The following OPN3 variants were observed in gnomAD, a reference collection of about 807,000 sequenced individuals.
The protein encoded by OPN3 is opsin 3, also known as opsin-3.
In OPN3, 29 loss-of-function variants were observed where a neutral mutation model predicts 33.8. That is an observed-to-expected ratio of 0.86 (90% CI 0.64 to 1.17). The LOEUF (loss-of-function observed/expected upper bound fraction) is 1.17. OPN3 is among the 50% of genes most tolerant of loss of function. The pLI, the probability that OPN3 is intolerant of heterozygous loss-of-function variation, is 0.00. For synonymous variants in OPN3, 216 were observed against 216.1 expected, an observed-to-expected ratio of 1.00 and a Z score of 0.00; for missense variants, 437 against 514.1, an observed-to-expected ratio of 0.85 and a Z score of 1.45.
chr1:241,637,442 C>T (rs929331410), intron 1 of OPN3, among the ~76,000 whole-genome samples: 5 of 152,124 alleles, frequency 3.3e-5, no homozygotes, highest in African/African-American at 1.2e-4. Context: ...GTTGCCTGGC[C>T]CACTCAAGTA....
In OPN3 at chr1:241,635,172, C is replaced by G. The variant is rs889621324; in HGVS notation, c.373+4710G>C. ...TCTTCTACTGTAGATTTGCTTTCAT[C>G]TTTATCTCCATCTTTATCTGAAACT... On this transcript the variant is annotated intron_variant, in intron 1 of 3. Transcript: ENST00000366554. The G allele has an allele frequency of 3.7e-6, 6 of 1,612,882 alleles. No individual in the cohort carries two copies. The African/African-American group carries it at 8.0e-5, about 22-fold the overall frequency.
chr1:241,638,011 T>C (rs1664965269), intron 1 of OPN3, among the ~76,000 whole-genome samples: 1 of 152,148 alleles, frequency 6.6e-6, no homozygotes, highest in Admixed American at 6.5e-5. Context: ...AAGCACAAAC[T>C]CCGGAATTTA....
At chr1:241,603,281 T>G (rs1319912409) in intron 2 of OPN3, among the ~76,000 whole-genome samples, 3 of 152,136 alleles carry the variant, frequency 2.0e-5, no homozygotes, top group Non-Finnish European at 4.4e-5. Context: ...TGATAATGGC[T>G]TTGTTTGGTC....
rs373927637 is a variant in OPN3, at chr1:241,606,744, G to A, written c.374-2165C>T. On this transcript the variant is annotated intron_variant, in intron 1 of 3. Coordinates refer to ENST00000366554, the MANE Select transcript of OPN3 (RefSeq NM_014322.3). ...ATAAATATTTGTTGAATGAGTGGAC[G>A]CAGAGAGACTGAAAGAAAAGCAGTT... Among the ~76,000 whole-genome samples the A allele has an allele frequency of 3.8e-4, 58 of 152,152 alleles. No individual in the cohort carries two copies. In the South Asian group the frequency reaches 9.3e-3, roughly 24 times the overall value.
intron 1 of OPN3, chr1:241,633,552 C>G: frequency 2.0e-6 from 1 of 496,310 alleles, no homozygotes; most frequent in Non-Finnish European, 3.5e-6. Context: ...ATAAAGCTAA[C>G]TCTGTTTTAA....
chr1:241,627,401 C>T (rs1664451465), intron 1 of OPN3, among the ~76,000 whole-genome samples: 1 of 152,158 alleles, frequency 6.6e-6, no homozygotes, highest in Admixed American at 6.5e-5. Context: ...TTTCATTTCT[C>T]ATTAATGGGT....
chr1:241,633,701 C>A, intron 1 of OPN3: 1 of 1,290,866 alleles, frequency 7.7e-7, no homozygotes, highest in Non-Finnish European at 1.1e-6. Flanking sequence ...CATATATAAC[C>A]ACTTCTAATT....
Position 241,604,382 on chromosome 1 carries a change from C to A in OPN3, c.571G>T (p.Asp191Tyr). The change falls in exon 2 of 4, where the codon GAC (aspartate) becomes TAC (tyrosine). Residue 191 changes from aspartate (D) to tyrosine (Y), a missense_variant. By Grantham distance (160) the Asp-to-Tyr change is radical. Coordinates refer to ENST00000366554, the MANE Select transcript of OPN3 (RefSeq NM_014322.3). ...TCGTTGGCATCCTTGGATTTCCAGT[C>A]CACAGTGCAGCCTAGTCCGTGTACG... ...LDVHGLGCTV[D>Y]WKSKDANDSS... is the part of the protein sequence containing the mutation. The A allele has an allele frequency of 3.7e-6, 6 of 1,614,164 alleles. No individual in the cohort carries two copies. Among genetic ancestry groups the A allele is most frequent in the Non-Finnish European group, 5.1e-6 (6 of 1,180,026 alleles).
At position 241,604,383 on chromosome 1, in the gene OPN3, C is replaced by CA; in HGVS notation, c.569dup (p.Asp191GlyfsTer60). On this transcript the variant is annotated frameshift_variant, in exon 2 of 4. Transcript: ENST00000366554. LOFTEE classifies it high-confidence loss of function. ...CGTTGGCATCCTTGGATTTCCAGTC[C>CA]ACAGTGCAGCCTAGTCCGTGTACGT... The CA allele has an allele frequency of 6.2e-7, 1 of 1,614,146 alleles. No homozygotes were observed. The highest frequency in any genetic ancestry group is 1.1e-5 in the South Asian group (1 of 91,084).
chr1:241,608,422 T>C (rs1490309945), intron 1 of OPN3, among the ~76,000 whole-genome samples: 1 of 152,216 alleles, frequency 6.6e-6, no homozygotes, highest in African/African-American at 2.4e-5. Flanking sequence ...CCAACCCTCA[T>C]GGCCTTAAGG....
In OPN3 at chr1:241,597,949, T is replaced by C; in HGVS notation, c.742A>G (p.Lys248Glu). ...LQTIQVIKILKYEKKLAKMCF... is the reference protein window; with the variant it reads ...LQTIQVIKILEYEKKLAKMCF... ...ATTTTGGCCAGTTTCTTTTCATATT[T>C]TAAAATCTTGATCACTTGAATTGTC... The change falls in exon 3 of 4, where the codon AAA (lysine) becomes GAA (glutamate). Residue 248 changes from lysine to glutamate, a missense_variant. Physicochemically the swap from Lys to Glu is moderately conservative, Grantham distance 56. Transcript: ENST00000366554. The C allele has an allele frequency of 6.2e-7, 1 of 1,613,734 alleles. No homozygotes were observed. Among genetic ancestry groups the C allele is most frequent in the Non-Finnish European group, 8.5e-7 (1 of 1,179,946 alleles).
intron 1 of OPN3, among the ~76,000 whole-genome samples, chr1:241,612,200 A>G (rs3753219): frequency 0.29 from 44,673 of 152,004 alleles, 6,729 homozygotes; most frequent in East Asian, 0.56. Context: ...CTGTGTTTCA[A>G]ATTCTCTACC....
chr1:241,612,820 T>G (rs888453483), intron 1 of OPN3, among the ~76,000 whole-genome samples: 1 of 152,200 alleles, frequency 6.6e-6, no homozygotes, highest in Admixed American at 6.5e-5. Flanking sequence ...CACATCCTGA[T>G]GATTTCATCC....
intron 1 of OPN3, among the ~76,000 whole-genome samples, chr1:241,619,661 G>A (rs985871535): frequency 2.0e-5 from 3 of 152,206 alleles, no homozygotes; most frequent in African/African-American, 4.8e-5. Flanking sequence ...GACCCATCAC[G>A]AAGTGAGAAG....
At chr1:241,597,037 C>T (rs1171192489) in intron 3 of OPN3, among the ~76,000 whole-genome samples, 1 of 151,938 alleles carries the variant, frequency 6.6e-6, no homozygotes, top group African/African-American at 2.4e-5. Context: ...CATTATGTTG[C>T]CCAGGTTGGT....
At chr1:241,607,489 G>A (rs1285747818) in intron 1 of OPN3, among the ~76,000 whole-genome samples, 2 of 151,926 alleles carry the variant, frequency 1.3e-5, no homozygotes, top group African/African-American at 4.8e-5. Flanking sequence ...ACTCCAGCCT[G>A]GGCGATGGAG....
intron 1 of OPN3, chr1:241,634,676 AG>A (rs1314778933): frequency 5.0e-6 from 8 of 1,614,008 alleles, no homozygotes; most frequent in Admixed American, 1.7e-5. Flanking sequence ...GAGACACTGA[AG>A]GAAGTTTTTA....
Position 241,634,500 on chromosome 1 carries a change from C to T in OPN3, c.373+5382G>A. The T allele has an allele frequency of 1.2e-6, 2 of 1,613,816 alleles. No homozygotes were observed. The highest frequency in any genetic ancestry group is 1.6e-4 in the Middle Eastern group (1 of 6,062). ...GCATTTATTCTTTGACCAAAGTGATCTATAATTGCTTTACATCGTCCAGAT... is the reference window on the plus strand; with the variant it reads ...GCATTTATTCTTTGACCAAAGTGATTTATAATTGCTTTACATCGTCCAGAT... On this transcript the variant is annotated intron_variant, in intron 1 of 3. Transcript: ENST00000366554.
intron 2 of OPN3, 33 bp downstream of exon 2, chr1:241,604,227 T>C: frequency 6.3e-7 from 1 of 1,585,534 alleles, no homozygotes; most frequent in Non-Finnish European, 8.6e-7. Flanking sequence ...TGGATGTGGT[T>C]TGGGAGGGGG....
Sources: allele counts gnomAD v4.1 joint callset (sites outside exome capture counted in the v4.1 genomes callset), GRCh38; gene constraint gnomAD v4.1.1; transcripts MANE v1.5; gene names NCBI Gene and HGNC (gene_info 2026-07-23, HGNC 2026-07-21).